Variants in GALNT13 observed in about 807,000 individuals in gnomAD.
The protein encoded by GALNT13 is UDP-GalNAc:polypeptide N-acetylgalactosaminyltransferase 13.
In GALNT13, 28 loss-of-function variants were observed where a neutral mutation model predicts 64.2. The ratio of observed to expected loss-of-function variants is 0.44; its 90% CI spans 0.32 to 0.60. The LOEUF (loss-of-function observed/expected upper bound fraction) is 0.60. Among genes scored for constraint, GALNT13 ranks in the 20% least tolerant of loss-of-function variants. The pLI, the probability that GALNT13 is intolerant of heterozygous loss-of-function variation, is 0.05. For missense variants in GALNT13, 577 were observed against 669.8 expected, an observed-to-expected ratio of 0.86 and a Z score of 1.53; for synonymous variants, 214 against 224.6, an observed-to-expected ratio of 0.95 and a Z score of 0.42.
chr2:153,210,970 T>TTC, the GALNT13 span, among the ~76,000 whole-genome samples: 1 of 152,140 alleles, frequency 6.6e-6, no homozygotes, highest in Non-Finnish European at 1.5e-5. Context: ...GAACCTATGC[T>TTC]GTACAGAAAA....
At chr2:153,429,073 C>T in the GALNT13 span, among the ~76,000 whole-genome samples, 1 of 152,112 alleles carries the variant, frequency 6.6e-6, no homozygotes, top group East Asian at 1.9e-4. Context: ...CTCTTTCTCT[C>T]TCTCTTTCAT....
At chr2:153,390,113 G>A in the GALNT13 span, among the ~76,000 whole-genome samples, 13 of 151,966 alleles carry the variant, frequency 8.6e-5, no homozygotes, top group South Asian at 2.1e-4. Flanking sequence ...CATATACACC[G>A]TGGAATACTA....
chr2:153,083,993 T>A, the GALNT13 span, among the ~76,000 whole-genome samples: 2 of 152,154 alleles, frequency 1.3e-5, no homozygotes, highest in South Asian at 4.1e-4. Flanking sequence ...TTGTATAGGG[T>A]GTTGTTTCTC....
At chr2:153,741,350 A>C in the GALNT13 span, among the ~76,000 whole-genome samples, 3 of 152,112 alleles carry the variant, frequency 2.0e-5, no homozygotes, top group South Asian at 2.1e-4. Flanking sequence ...CTCTTCTCTA[A>C]ATCTTTCATA....
intron 7 of GALNT13, among the ~76,000 whole-genome samples, chr2:154,256,638 T>TAAC (rs1573965600): frequency 6.6e-6 from 1 of 152,136 alleles, no homozygotes; most frequent in African/African-American, 2.4e-5. Flanking sequence ...TTAACATCAA[T>TAAC]AACAACAACA....
intron 3 of GALNT13, among the ~76,000 whole-genome samples, chr2:154,078,348 A>G (rs1295924372): frequency 4.6e-5 from 7 of 151,580 alleles, no homozygotes; most frequent in Non-Finnish European, 1.0e-4. Context: ...AAAGAAAATT[A>G]AAATTATGTT....
At chr2:154,198,448 C>A (rs1408928848) in intron 4 of GALNT13, among the ~76,000 whole-genome samples, 2 of 151,684 alleles carry the variant, frequency 1.3e-5, no homozygotes, top group Admixed American at 6.6e-5. Context: ...TTTATGTGTA[C>A]AATTCAGTGG....
intron 3 of GALNT13, among the ~76,000 whole-genome samples, chr2:154,043,523 T>A (rs1419860108): frequency 1.3e-5 from 2 of 148,664 alleles, no homozygotes; most frequent in Non-Finnish European, 3.0e-5. Flanking sequence ...AATCTAACAG[T>A]TATTTGCTAA....
At chr2:153,393,690 T>C in the GALNT13 span, among the ~76,000 whole-genome samples, 4 of 152,116 alleles carry the variant, frequency 2.6e-5, no homozygotes, top group East Asian at 7.8e-4. Context: ...GTCACTAGAT[T>C]TTGAGTAAGA....
chr2:153,740,272 C>G, the GALNT13 span, among the ~76,000 whole-genome samples: 10 of 152,090 alleles, frequency 6.6e-5, no homozygotes, highest in African/African-American at 2.4e-4. Flanking sequence ...AGGCACTGTT[C>G]ACTCTTTATA....
At chr2:153,404,488 C>G in the GALNT13 span, among the ~76,000 whole-genome samples, 1 of 151,576 alleles carries the variant, frequency 6.6e-6, no homozygotes, top group Non-Finnish European at 1.5e-5. Flanking sequence ...TTTCTAATTT[C>G]ACCTAATTGT....
At chr2:154,343,200 T>C (rs1308977038) in intron 9 of GALNT13, among the ~76,000 whole-genome samples, 1 of 151,972 alleles carries the variant, frequency 6.6e-6, no homozygotes, top group African/African-American at 2.4e-5. Flanking sequence ...TACCAGAGAC[T>C]TGGAGGATAT....
At chr2:153,148,922 G>A in the GALNT13 span, among the ~76,000 whole-genome samples, 1 of 151,838 alleles carries the variant, frequency 6.6e-6, no homozygotes, top group Non-Finnish European at 1.5e-5. Flanking sequence ...AGAGAAGACA[G>A]GACTGTGGTA....
chr2:153,549,284 C>T, the GALNT13 span, among the ~76,000 whole-genome samples: 2 of 152,154 alleles, frequency 1.3e-5, no homozygotes, highest in South Asian at 2.1e-4. Flanking sequence ...TCAATGCTTC[C>T]GTAGCTTTCA....
chr2:153,772,658 G>A, the GALNT13 span, among the ~76,000 whole-genome samples: 4 of 151,956 alleles, frequency 2.6e-5, no homozygotes, highest in Non-Finnish European at 5.9e-5. Context: ...CCATCCTGGG[G>A]AAAAAAAGGT....
chr2:153,394,875 G>A, the GALNT13 span, among the ~76,000 whole-genome samples: 1 of 152,134 alleles, frequency 6.6e-6, no homozygotes, highest in African/African-American at 2.4e-5. Flanking sequence ...TGTGTAGTCT[G>A]CTCAGGATCT....
At chr2:153,646,341 T>A in the GALNT13 span, among the ~76,000 whole-genome samples, 1 of 151,930 alleles carries the variant, frequency 6.6e-6, no homozygotes, top group Non-Finnish European at 1.5e-5. Flanking sequence ...ATCTGCATTT[T>A]TATTGACATG....
At chr2:153,795,693 A>G in the GALNT13 span, among the ~76,000 whole-genome samples, 1 of 152,342 alleles carries the variant, frequency 6.6e-6, no homozygotes, top group African/African-American at 2.4e-5. Context: ...GAAGACAGAT[A>G]TTCATGGAAA....
chr2:154,134,543 G>A (rs978438561), intron 3 of GALNT13, among the ~76,000 whole-genome samples: 1 of 152,108 alleles, frequency 6.6e-6, no homozygotes, highest in African/African-American at 2.4e-5. Flanking sequence ...TAATAGATGT[G>A]ATTGAAACCA....
Sources: allele counts gnomAD v4.1 joint callset (sites outside exome capture counted in the v4.1 genomes callset), GRCh38; gene constraint gnomAD v4.1.1; transcripts MANE v1.5; gene names NCBI Gene and HGNC (gene_info 2026-07-23, HGNC 2026-07-21).